The following COL19A1 variants were observed in gnomAD, a reference collection of about 807,000 sequenced individuals.
COL19A1 encodes collagen alpha-1(XIX) chain.
Under a neutral mutation model 190.2 loss-of-function variants are expected in COL19A1, and 159 were observed. The observed-to-expected ratio is 0.84, with a 90% CI of 0.73 to 0.95. The LOEUF is 0.95. Ranked by LOEUF, COL19A1 falls within the 40% of genes least tolerant of loss-of-function variation. COL19A1 has a pLI of 0.00. For synonymous variants in COL19A1, 509 were observed against 458.9 expected, an observed-to-expected ratio of 1.11 and a Z score of -1.39; for missense variants, 1,418 against 1,431.9, an observed-to-expected ratio of 0.99 and a Z score of 0.16.
chr6:70,006,592 G>A (rs1280425954), intron 11 of COL19A1, among the ~76,000 whole-genome samples: 1 of 152,018 alleles, frequency 6.6e-6, no homozygotes, highest in Non-Finnish European at 1.5e-5. Flanking sequence ...GGCCATCTTG[G>A]CCCCATCCAA....
chr6:69,936,690 A>T, intron 7 of COL19A1, 95 bp from the exon 8 acceptor site: 2 of 1,489,674 alleles, frequency 1.3e-6, no homozygotes, highest in Non-Finnish European at 9.1e-7. Context: ...CTTGCAGGCA[A>T]CCTCAGCAAT....
chr6:70,075,573 C>G (rs1562147475), intron 15 of COL19A1, among the ~76,000 whole-genome samples: 1 of 152,184 alleles, frequency 6.6e-6, no homozygotes, highest in East Asian at 1.9e-4. Flanking sequence ...AAAACAACTT[C>G]TAGCACAGGC....
intron 15 of COL19A1, among the ~76,000 whole-genome samples, chr6:70,093,309 A>T (rs965992121): frequency 6.6e-6 from 1 of 152,122 alleles, no homozygotes; most frequent in Non-Finnish European, 1.5e-5. Flanking sequence ...TGGCACCAAG[A>T]TGTTAAAATA....
chr6:70,164,884 T>C (rs1765039397), intron 36 of COL19A1, among the ~76,000 whole-genome samples: 1 of 152,172 alleles, frequency 6.6e-6, no homozygotes, highest in South Asian at 2.1e-4. Flanking sequence ...GGCAGAAGCA[T>C]TGCAAGAAAA....
chr6:69,967,523 T>C (rs1476033196), intron 11 of COL19A1, among the ~76,000 whole-genome samples: 1 of 152,196 alleles, frequency 6.6e-6, no homozygotes, highest in Admixed American at 6.5e-5. Context: ...GATCTTTTCT[T>C]CCATTCTGGG....
Position 70,138,962 on chromosome 6 carries a change from T to C in COL19A1, c.1446+1215T>C, listed in dbSNP as rs1176600813. Among the ~76,000 whole-genome samples, 11 of 152,158 alleles carry C rather than the reference T, an allele frequency of 7.2e-5. No individual in the cohort carries two copies. The South Asian group carries it at 1.9e-3, about 26-fold the overall frequency. On this transcript the variant is annotated intron_variant, in intron 19 of 50. Coordinates refer to ENST00000620364, the MANE Select transcript of COL19A1 (RefSeq NM_001858.6). ...CCACACTTGGAGGTTCCTCTTACCA[T>C]CTCTTAGCTGCTTCTCTAGGTCTCC...
chr6:70,182,858 G>T lies in COL19A1; in HGVS notation c.2776-1845G>T, dbSNP rs76936130. The stretch of plus-strand genomic sequence containing the variant: ...GTGAAGACTACTTTGAGTAGAACTG[G>T]TATACTCACAAGTGGGAATTGGTCT... On this transcript the variant is annotated intron_variant, in intron 44 of 50. Transcript: ENST00000620364. 7.1e-3 allele frequency among the ~76,000 whole-genome samples: 1,084 copies of T among 152,274 alleles called. 19 individuals are homozygous for T. Among genetic ancestry groups the T allele is most frequent in the African/African-American group, 0.025 (1,023 of 41,550 alleles).
intron 48 of COL19A1, among the ~76,000 whole-genome samples, chr6:70,194,282 C>A (rs1018993671): frequency 6.6e-6 from 1 of 152,196 alleles, no homozygotes; most frequent in Non-Finnish European, 1.5e-5. Context: ...AAACTTTGGG[C>A]TCTCCTCTTG....
intron 2 of COL19A1, among the ~76,000 whole-genome samples, chr6:69,897,486 CA>C (rs1164515493): frequency 0.021 from 3,227 of 150,174 alleles, 117 homozygotes; most frequent in African/African-American, 0.074. Context: ...CACACACACA[CA>C]CCCCATACTG....
intron 34 of COL19A1, 147 bp from the exon 35 acceptor site, chr6:70,161,752 TA>T: frequency 3.7e-6 from 2 of 544,466 alleles, no homozygotes; most frequent in South Asian, 3.9e-5. Flanking sequence ...AAATTAGAAT[TA>T]AAAAAGTATA....
intron 4 of COL19A1, among the ~76,000 whole-genome samples, chr6:69,914,786 AC>A (rs1771186523): frequency 6.6e-6 from 1 of 152,196 alleles, no homozygotes; most frequent in Non-Finnish European, 1.5e-5. Context: ...CAGTAATTAA[AC>A]TTTTTAAACA....
At position 69,896,494 on chromosome 6, in the gene COL19A1, G is replaced by A. The variant is rs538041555; in HGVS notation, c.92-2454G>A. On this transcript the variant is annotated intron_variant, in intron 2 of 50. Transcript: ENST00000620364. ...GGAGCTTGCAGTGAGCCGAGATTGC[G>A]CCACTGCAGTCCGCAGTCCGGCCTG... 5.7e-3 allele frequency among the ~76,000 whole-genome samples: 775 copies of A among 136,412 alleles called. 2 individuals carry two copies. The highest frequency in any genetic ancestry group is 7.2e-3 in the Non-Finnish European group (472 of 66,004). The allele number at this position is 136,412 out of a possible 152,430, so 89.5% of individuals were successfully genotyped here. A position where few individuals can be genotyped will look rare whatever the true frequency, so the allele number is the denominator to read the frequency against.
chr6:70,169,478 A>G (rs1281025016), intron 40 of COL19A1, among the ~76,000 whole-genome samples: 1 of 152,170 alleles, frequency 6.6e-6, no homozygotes, highest in Non-Finnish European at 1.5e-5. Context: ...TCATTATAGT[A>G]CAGTTTGTTA....
At chr6:69,916,894 A>G (rs954367048) in intron 4 of COL19A1, among the ~76,000 whole-genome samples, 1 of 152,212 alleles carries the variant, frequency 6.6e-6, no homozygotes, top group Non-Finnish European at 1.5e-5. Flanking sequence ...TAACCTTGGA[A>G]TTAAAAGTCA....
At chr6:69,979,020 G>A (rs143438439) in intron 11 of COL19A1, among the ~76,000 whole-genome samples, 1 of 151,750 alleles carries the variant, frequency 6.6e-6, no homozygotes, top group Non-Finnish European at 1.5e-5. Context: ...ATAAAAAATT[G>A]ACCAAGAATA....
intron 19 of COL19A1, 50 bp downstream of exon 19, chr6:70,137,797 T>C (rs1324950881): frequency 6.3e-7 from 1 of 1,580,564 alleles, no homozygotes; most frequent in African/African-American, 1.3e-5. Flanking sequence ...AAAAACGGGA[T>C]TAAAAATACG....
intron 12 of COL19A1, 35 bp from the exon 13 acceptor site, chr6:70,034,210 C>T (rs764769389): frequency 1.3e-6 from 2 of 1,483,028 alleles, no homozygotes; most frequent in East Asian, 4.5e-5. Context: ...TTAAAGCTTT[C>T]TGTGAACTGT....
intron 17 of COL19A1, among the ~76,000 whole-genome samples, chr6:70,127,819 G>C (rs1276071984): frequency 6.6e-6 from 1 of 152,010 alleles, no homozygotes; most frequent in African/African-American, 2.4e-5. Flanking sequence ...CTTCCCACTG[G>C]GTCCCTCCCA....
At chr6:69,888,145 G>A (rs1375877396) in intron 2 of COL19A1, among the ~76,000 whole-genome samples, 1 of 152,178 alleles carries the variant, frequency 6.6e-6, no homozygotes, top group Non-Finnish European at 1.5e-5. Context: ...ATTGTCAGAG[G>A]TTCCAGTTGC....
Sources: allele counts gnomAD v4.1 joint callset (sites outside exome capture counted in the v4.1 genomes callset), GRCh38; gene constraint gnomAD v4.1.1; transcripts MANE v1.5; gene names NCBI Gene and HGNC (gene_info 2026-07-23, HGNC 2026-07-21).